Variants in MATR3 observed in about 807,000 individuals in gnomAD.
The protein encoded by MATR3 is matrin-3.
MATR3 carries 4 observed loss-of-function variants against 85.5 expected under a neutral mutation model. The observed-to-expected ratio is 0.05, with a 90% CI of 0.02 to 0.11. The LOEUF is 0.11. MATR3 is among the 10% of genes least tolerant of loss of function. The probability of loss-of-function intolerance (pLI) is 1.00; values close to 1 mark genes in which losing one functional copy is unlikely to be tolerated. For synonymous variants in MATR3, 336 were observed against 343.1 expected, an observed-to-expected ratio of 0.98 and a Z score of 0.23; for missense variants, 685 against 1,016.1, an observed-to-expected ratio of 0.67 and a Z score of 4.43.
chr5:139,325,525 C>T lies in MATR3; in HGVS notation c.2234C>T (p.Ala745Val), dbSNP rs199797401. The T allele has an allele frequency of 2.4e-4, 394 of 1,614,052 alleles. No individual in the cohort carries two copies. Among genetic ancestry groups the T allele is most frequent in the Non-Finnish European group, 3.2e-4 (383 of 1,180,036 alleles). ...AATGAGGAAAACACAGAACCAGGTG[C>T]TGAATCTTCTGAGAACGCTGATGAT... ...IKNEENTEPG[A>V]ESSENADDPN... Residue 745 changes from alanine to valine, a missense_variant, in exon 13 of 15, where the codon GCT (alanine) becomes GTT (valine). Coordinates refer to ENST00000394805, the MANE Select transcript of MATR3 (RefSeq NM_018834.6).
chr5:139,295,428 C>T (rs1304418443), intron 1 of MATR3, among the ~76,000 whole-genome samples: 1 of 152,166 alleles, frequency 6.6e-6, no homozygotes, highest in Admixed American at 6.5e-5. Flanking sequence ...ATTTGTATTT[C>T]TTCCTTTGCA....
chr5:139,278,248 T>TATATAC, intron 2 of MATR3: 1 of 352,602 alleles, frequency 2.8e-6, no homozygotes, highest in South Asian at 2.2e-5. Context: ...TATATATATA[T>TATATAC]ACACACACAC....
chr5:139,307,361 T>C lies in MATR3; in HGVS notation c.-55T>C. The C allele has an allele frequency of 7.6e-6, 12 of 1,569,782 alleles. No individual in the cohort carries two copies. The highest frequency in any genetic ancestry group is 1.0e-5 in the Non-Finnish European group (12 of 1,165,732). On this transcript the variant is annotated 5_prime_UTR_variant, in exon 2 of 15. Coordinates refer to ENST00000394805, the MANE Select transcript of MATR3 (RefSeq NM_018834.6). This position sits in a 1 kb window ranked among gnomAD's most constrained non-coding sequence, Gnocchi z 4.4. ...CTAGTTTGAGCTTTCTTTTTGGCCG[T>C]CTTTAAAAAAATTTTTTTTTTTAAT...
At chr5:139,301,534 T>C (rs1189324576) in intron 1 of MATR3, among the ~76,000 whole-genome samples, 1 of 152,150 alleles carries the variant, frequency 6.6e-6, no homozygotes, top group East Asian at 1.9e-4. Context: ...TTGGCCAGGC[T>C]GGTCTCGGAC....
intron 9 of MATR3, 132 bp from the exon 10 acceptor site, chr5:139,321,765 AC>A: frequency 2.2e-6 from 2 of 903,396 alleles, no homozygotes. Flanking sequence ...CCTGGGTGAC[AC>A]AGTGAGACCC....
At chr5:139,277,962 G>T (rs750923626) in intron 2 of MATR3, among the ~76,000 whole-genome samples, 1 of 151,994 alleles carries the variant, frequency 6.6e-6, no homozygotes, top group Non-Finnish European at 1.5e-5. Flanking sequence ...AGGCACGGTG[G>T]CTCGCACCTG....
chr5:139,317,209 A>G, intron 6 of MATR3, 104 bp downstream of exon 6: 3 of 1,100,068 alleles, frequency 2.7e-6, no homozygotes, highest in Non-Finnish European at 2.7e-6. Context: ...TTATGGGAAC[A>G]TTGCTGTAAT....
chr5:139,292,919 G>C (rs1280432450), upstream of MATR3, among the ~76,000 whole-genome samples: 1 of 151,958 alleles, frequency 6.6e-6, no homozygotes, highest in Admixed American at 6.5e-5. Context: ...CTCCAGCCTG[G>C]GTGACAGAGT....
At position 139,329,882 on chromosome 5, in the gene MATR3, CTTAA is replaced by C. The variant is rs776375279; in HGVS notation, c.*492_*495del. On this transcript the variant is annotated 3_prime_UTR_variant, in exon 15 of 15. Coordinates refer to ENST00000394805, the MANE Select transcript of MATR3 (RefSeq NM_018834.6). ...TTGGTTGCATTTCATTTTTGGAGAA[CTTAA>C]TTAACGTGAGATTGGCAATTGAAAT... 4.4e-5 allele frequency: 20 copies of C among 454,402 alleles called. No homozygotes were observed. The highest frequency in any genetic ancestry group is 1.0e-4 in the African/African-American group (5 of 49,990). The allele number at this position is 454,402 out of a possible 1,614,324, so 28.1% of individuals were successfully genotyped here.
At chr5:139,298,600 A>G (rs1754282915) in intron 1 of MATR3, among the ~76,000 whole-genome samples, 1 of 152,330 alleles carries the variant, frequency 6.6e-6, no homozygotes, top group Middle Eastern at 3.4e-3. Context: ...TTGAACTCCA[A>G]ATATTCTTTG....
At chr5:139,287,390 G>A (rs1480710692) in intron 3 of MATR3, among the ~76,000 whole-genome samples, 4 of 151,918 alleles carry the variant, frequency 2.6e-5, no homozygotes, top group Non-Finnish European at 5.9e-5. Flanking sequence ...AGGCCAAGGC[G>A]GGTGGATCAC....
At position 139,322,035 on chromosome 5, in the gene MATR3, T is replaced by C. The variant is rs1755599968; in HGVS notation, c.1734+6T>C. 1.9e-6 allele frequency: 3 copies of C among 1,594,900 alleles called. No individual in the cohort carries two copies. Among genetic ancestry groups the C allele is most frequent in the South Asian group, 1.1e-5 (1 of 90,190 alleles). ...ATAAAAAACTGGTTCTGAGGGTATG[T>C]AGTATTTGATTTGTCATCATTTAAC... On this transcript the variant is annotated splice_donor_region_variant and intron_variant, in intron 10 of 14. Coordinates refer to ENST00000394805, the MANE Select transcript of MATR3 (RefSeq NM_018834.6).
intron 14 of MATR3, 84 bp from the exon 15 acceptor site, chr5:139,329,261 T>TA: frequency 1.1e-6 from 1 of 939,402 alleles, no homozygotes; most frequent in Non-Finnish European, 1.8e-6. Flanking sequence ...TAAACTTGGA[T>TA]ATAGGATATT....
chr5:139,319,320 GTTAT>G lies in MATR3; in HGVS notation c.1435-8_1435-5del, dbSNP rs1755420461. 2 of 1,592,492 alleles carry G rather than the reference GTTAT, an allele frequency of 1.3e-6. No individual in the cohort carries two copies. The highest frequency in any genetic ancestry group is 1.7e-6 in the Non-Finnish European group (2 of 1,162,132). On this transcript the variant is annotated splice_polypyrimidine_tract_variant and intron_variant, in intron 8 of 14. Coordinates refer to ENST00000394805, the MANE Select transcript of MATR3 (RefSeq NM_018834.6). ...ATTGCACATTTGTCCTTTTGTTGTT[GTTAT>G]TTATTAAAGAAACCTGAAGGAAAGC...
intron 3 of MATR3, among the ~76,000 whole-genome samples, chr5:139,282,473 G>A (rs1482518064): frequency 6.6e-6 from 1 of 152,028 alleles, no homozygotes; most frequent in Admixed American, 6.5e-5. Context: ...GCTTCTTAAG[G>A]GTGATATACT....
At chr5:139,327,320 T>G (rs1755903897) in intron 14 of MATR3, among the ~76,000 whole-genome samples, 1 of 151,434 alleles carries the variant, frequency 6.6e-6, no homozygotes, top group South Asian at 2.1e-4. Context: ...TTTTTTTTTT[T>G]TAAATGTAAC....
chr5:139,296,959 A>G (rs1421945819), intron 1 of MATR3, among the ~76,000 whole-genome samples: 1 of 152,266 alleles, frequency 6.6e-6, no homozygotes, highest in East Asian at 1.9e-4. Flanking sequence ...CATCTGAGGT[A>G]AAGAGTTCTG....
At position 139,307,635 on chromosome 5, in the gene MATR3, T is replaced by A; in HGVS notation, c.220T>A (p.Ser74Thr). 1.2e-6 allele frequency: 2 copies of A among 1,614,192 alleles called. No homozygotes were observed. Among genetic ancestry groups the A allele is most frequent in the Non-Finnish European group, 1.7e-6 (2 of 1,180,028 alleles). The part of the protein sequence containing the change: ...LNQQGAHSAL[S>T]SASTSSHNLQ... ...TCAACAAGGAGCTCATAGTGCACTG[T>A]CTTCTGCTAGTACTTCTTCCCATAA... Residue 74 changes from serine (S) to threonine (T), a missense_variant, in exon 2 of 15, where the codon TCT (serine) becomes ACT (threonine). Coordinates refer to ENST00000394805, the MANE Select transcript of MATR3 (RefSeq NM_018834.6). This position sits in a 1 kb window ranked among gnomAD's most constrained non-coding sequence, Gnocchi z 4.4.
chr5:139,308,823 G>A (rs1389316926), intron 2 of MATR3, among the ~76,000 whole-genome samples: 1 of 152,020 alleles, frequency 6.6e-6, no homozygotes, highest in African/African-American at 2.4e-5. Context: ...GTTTGTTTCA[G>A]TATGTTTCAT....
Sources: allele counts gnomAD v4.1 joint callset (sites outside exome capture counted in the v4.1 genomes callset), GRCh38; gene constraint gnomAD v4.1.1; non-coding constraint Gnocchi (gnomAD v3.1); transcripts MANE v1.5; gene names NCBI Gene and HGNC (gene_info 2026-07-23, HGNC 2026-07-21).